Variants in COL12A1 observed in about 807,000 individuals in gnomAD.
COL12A1 encodes the protein collagen alpha-1(XII) chain.
In COL12A1, 114 loss-of-function variants were observed where a neutral mutation model predicts 349.7. The observed-to-expected ratio is 0.33, with a 90% CI of 0.28 to 0.38. The LOEUF is 0.38. COL12A1 is among the 10% of genes least tolerant of loss of function. The pLI, the probability that COL12A1 is intolerant of heterozygous loss-of-function variation, is 1.00. For synonymous variants in COL12A1, 1,369 were observed against 1,329.0 expected, an observed-to-expected ratio of 1.03 and a Z score of -0.66; for missense variants, 3,284 against 3,756.9, an observed-to-expected ratio of 0.87 and a Z score of 3.29.
chr6:75,174,239 G>T (rs1286340442), intron 13 of COL12A1, among the ~76,000 whole-genome samples: 1 of 152,146 alleles, frequency 6.6e-6, no homozygotes, highest in African/African-American at 2.4e-5. Context: ...CGGAATTTCA[G>T]AAATCACTTA....
intron 2 of COL12A1, among the ~76,000 whole-genome samples, chr6:75,199,026 C>A (rs1485079364): frequency 6.6e-6 from 1 of 152,146 alleles, no homozygotes; most frequent in Non-Finnish European, 1.5e-5. Context: ...AAATCCATTT[C>A]ATTTGAGTTT....
intron 21 of COL12A1, among the ~76,000 whole-genome samples, chr6:75,150,065 T>C (rs138278055): frequency 1.9e-4 from 29 of 152,210 alleles, no homozygotes; most frequent in African/African-American, 6.7e-4. Flanking sequence ...CAAATAAACA[T>C]ACCCCTAGCA....
chr6:75,179,384 C>T (rs1370522085), intron 11 of COL12A1, among the ~76,000 whole-genome samples: 3 of 152,156 alleles, frequency 2.0e-5, no homozygotes, highest in East Asian at 1.9e-4. Flanking sequence ...TCAGGGTCAT[C>T]GAGCAGCAGT....
At chr6:75,154,578 G>A in intron 16 of COL12A1, 41 bp from the exon 17 acceptor site, 1 of 1,539,992 alleles carries the variant, frequency 6.5e-7, no homozygotes, top group African/African-American at 1.4e-5. Context: ...GAGAACCATA[G>A]GCTCAAGTGG....
chr6:75,130,205 T>C lies in COL12A1; in HGVS notation c.6096A>G (p.Arg2032=). The C allele has an allele frequency of 6.2e-7, 1 of 1,613,928 alleles. No homozygotes were observed. Among genetic ancestry groups the C allele is most frequent in the Non-Finnish European group, 8.5e-7 (1 of 1,179,942 alleles). The change falls in exon 37 of 66, where the codon AGA becomes AGG. Residue 2032 remains arginine, a synonymous_variant. Coordinates refer to ENST00000322507, the MANE Select transcript of COL12A1 (RefSeq NM_004370.6). The part of the protein sequence containing the change: ...TLPRSGPRNL[R]VFGETTNSLS... Reference sequence around the variant, plus strand: ...GGCTATTGGTTGTTTCACCAAAGACTCTCAGGTTCCTTGGTCCACTGCGTG... The same window carrying C: ...GGCTATTGGTTGTTTCACCAAAGACCCTCAGGTTCCTTGGTCCACTGCGTG...
intron 14 of COL12A1, among the ~76,000 whole-genome samples, chr6:75,159,502 T>C (rs1440450511): frequency 2.7e-5 from 4 of 149,456 alleles, no homozygotes; most frequent in African/African-American, 9.7e-5. Flanking sequence ...GACTTTTACC[T>C]GGAGTTTTGA....
chr6:75,178,797 G>T (rs1252964973), intron 11 of COL12A1, among the ~76,000 whole-genome samples: 3 of 152,118 alleles, frequency 2.0e-5, no homozygotes. Context: ...CACATCAATA[G>T]ATCACTCCAG....
intron 35 of COL12A1, 145 bp downstream of exon 35, chr6:75,131,795 C>T: frequency 2.3e-6 from 2 of 882,074 alleles, no homozygotes; most frequent in South Asian, 4.4e-5. Flanking sequence ...ATAATTAATA[C>T]ACCTACCTCA....
chr6:75,119,585 A>C (rs1429047509), intron 44 of COL12A1, 112 bp from the exon 45 acceptor site: 4 of 1,211,410 alleles, frequency 3.3e-6, no homozygotes, highest in Non-Finnish European at 4.6e-6. Flanking sequence ...AAAGTATCTC[A>C]GACCTGATAG....
chr6:75,193,131 G>A (rs914375011), intron 3 of COL12A1, among the ~76,000 whole-genome samples: 4 of 152,068 alleles, frequency 2.6e-5, no homozygotes, highest in Non-Finnish European at 5.9e-5. Flanking sequence ...TGGTTTGCAG[G>A]TAGAACATGC....
At position 75,102,666 on chromosome 6, in the gene COL12A1, T is replaced by C. The variant is rs539200024; in HGVS notation, c.8346A>G (p.Ile2782Met). 18 of 1,570,046 alleles carry C rather than the reference T, an allele frequency of 1.1e-5. No homozygotes were observed. In the South Asian group the frequency reaches 2.1e-4, roughly 19 times the overall value. The change falls in exon 56 of 66, where the codon ATA becomes ATG. Residue 2782 changes from isoleucine (I) to methionine (M), a missense_variant. By Grantham distance (10) the Ile-to-Met change is conservative (BLOSUM62 1). This residue lies in a region of COL12A1 where 683 missense variants were observed against 932.1 expected (regional missense o/e 0.73). Coordinates refer to ENST00000322507, the MANE Select transcript of COL12A1 (RefSeq NM_004370.6). ...GAGGACCCTGGGGGCCTGGAGGACC[T>C]ATGTCTCCACGAGGACCAGGGGGCC... ...AIGPPGPRGD[I>M]GPPGPQGPPG...
At chr6:75,145,588 C>A in intron 24 of COL12A1, 133 bp from the exon 25 acceptor site, 1 of 742,260 alleles carries the variant, frequency 1.3e-6, no homozygotes, top group Non-Finnish European at 1.9e-6. Context: ...AAGATTACAT[C>A]TCCTTTTCCA....
Position 75,155,670 on chromosome 6 carries a change from C to T in COL12A1, c.3435G>A (p.Glu1145=). 6.2e-7 allele frequency: 1 copy of T among 1,601,300 alleles called. No individual in the cohort carries two copies. Among genetic ancestry groups the T allele is most frequent in the African/African-American group, 1.3e-5 (1 of 74,178 alleles). Residue 1145 remains glutamate, a synonymous_variant, in exon 16 of 66, where the codon GAG becomes GAA. Coordinates refer to ENST00000322507, the MANE Select transcript of COL12A1 (RefSeq NM_004370.6). The part of the protein sequence containing the change: ...VGPYDNTVVL[E]ELRAGTTYKV... ...ACGTAGTTAATTCCTACCTAAGTTC[C>T]TCCAAAACAACTGTGTTGTCATAGG...
chr6:75,173,120 T>C (rs1329135435), intron 13 of COL12A1, among the ~76,000 whole-genome samples: 3 of 152,140 alleles, frequency 2.0e-5, no homozygotes, highest in African/African-American at 7.2e-5. Flanking sequence ...TTCCAATGAA[T>C]TTCACTTACA....
rs1365368382 is a variant in COL12A1 at position 75,113,287 on chromosome 6, T to A, written c.7867A>T (p.Asn2623Tyr). 1 of 1,557,840 alleles carries A rather than the reference T, an allele frequency of 6.4e-7. No homozygotes were observed. Among genetic ancestry groups the A allele is most frequent in the Non-Finnish European group, 8.7e-7 (1 of 1,155,552 alleles). The part of the protein sequence containing the change: ...DPSSKTLSFF[N>Y]KDTRGEVQTV... The stretch of plus-strand genomic sequence containing the variant: ...TGCACCTCGCCTCTTGTATCCTTGT[T>A]AAAGAATGATAACGTCTTGCTAGAA... The change falls in exon 51 of 66, where the codon AAC becomes TAC. Residue 2623 changes from asparagine (N) to tyrosine (Y), a missense_variant. Around this residue, in one of 2 missense-constraint regions of COL12A1, gnomAD observed 683 missense variants for 932.1 expected, o/e 0.73. Transcript: ENST00000322507.
chr6:75,101,576 T>C lies in COL12A1; in HGVS notation c.8523+24A>G, dbSNP rs762723723. ...CATATGACATCATTTCCAACATCAT[T>C]GTAGCCTGCTCAAGAAAACTTACTC... On this transcript the variant is annotated intron_variant, in intron 58 of 65. Transcript: ENST00000322507. 6 of 1,608,206 alleles carry C rather than the reference T, an allele frequency of 3.7e-6. No homozygotes were observed. In the Admixed American group the frequency reaches 1.0e-4, roughly 27 times the overall value.
rs887927881 is a variant in COL12A1, at chr6:75,189,948, C to A, written c.395-133G>T. The A allele has an allele frequency of 1.2e-5, 11 of 929,066 alleles. No individual in the cohort carries two copies. The East Asian group carries it at 2.9e-4, about 24-fold the overall frequency. The allele number at this position is 929,066 out of a possible 1,614,324, so 57.6% of individuals were successfully genotyped here. A position where few individuals can be genotyped will look rare whatever the true frequency, so the allele number is the denominator to read the frequency against. ...ACATATTCACCAATTGTTCTTCACC[C>A]ACATGCACAAAGAAATATACAATTT... On this transcript the variant is annotated intron_variant, in intron 5 of 65. Coordinates refer to ENST00000322507, the MANE Select transcript of COL12A1 (RefSeq NM_004370.6).
chr6:75,147,619 T>C, intron 23 of COL12A1, 56 bp downstream of exon 23: 2 of 1,498,654 alleles, frequency 1.3e-6, no homozygotes, highest in Non-Finnish European at 1.8e-6. Flanking sequence ...AAATGGGCCA[T>C]CATGCTTTAT....
chr6:75,125,347 T>C, intron 39 of COL12A1, 74 bp from the exon 40 acceptor site: 1 of 1,413,524 alleles, frequency 7.1e-7, no homozygotes, highest in Non-Finnish European at 9.6e-7. Context: ...ATTAAAGATC[T>C]TATAGTCAAA....
Sources: allele counts gnomAD v4.1 joint callset (sites outside exome capture counted in the v4.1 genomes callset), GRCh38; gene constraint gnomAD v4.1.1; regional missense constraint gnomAD v4.1.1; transcripts MANE v1.5; gene names NCBI Gene and HGNC (gene_info 2026-07-23, HGNC 2026-07-21).